Variants in KDM5B observed in about 807,000 individuals in gnomAD.
The protein encoded by KDM5B is lysine demethylase 5B, also known as lysine-specific demethylase 5B.
Under a neutral mutation model 193.4 loss-of-function variants are expected in KDM5B, and 144 were observed. The observed-to-expected ratio is 0.74, with a 90% CI of 0.65 to 0.86. The LOEUF (loss-of-function observed/expected upper bound fraction) is 0.86, where lower values mean the gene tolerates loss of function less well. KDM5B is among the 40% of genes least tolerant of loss of function. The pLI, the probability that KDM5B is intolerant of heterozygous loss-of-function variation, is 0.00. For missense variants in KDM5B, 1,833 were observed against 1,886.9 expected (o/e 0.97, Z 0.53); for synonymous variants, 668 against 682.6 (o/e 0.98, Z 0.33).
chr1:202,732,766 G>T (rs535935407), intron 23 of KDM5B, among the ~76,000 whole-genome samples: 99 of 152,238 alleles, frequency 6.5e-4, no homozygotes, highest in African/African-American at 2.3e-3. Flanking sequence ...ACCTCATAAA[G>T]ATTGAATACT....
chr1:202,773,347 G>C, intron 3 of KDM5B, 59 bp from the exon 4 acceptor site: 1 of 1,439,826 alleles, frequency 6.9e-7, no homozygotes, highest in Non-Finnish European at 9.6e-7. Context: ...TCACATCTAA[G>C]TATGACTCCA....
rs1417847461 is a variant in KDM5B, at chr1:202,729,111, G to A, written c.4560C>T (p.Val1520=). Residue 1520 remains valine, a synonymous_variant, in exon 27 of 27, where the codon GTC becomes GTT. Transcript: ENST00000367265. Reference sequence around the variant, plus strand: ...CTTCTTTCTCTGCCATCTCTGGGGAGACACCAACACAGACCTGATGAAACC... The same window carrying A: ...CTTCTTTCTCTGCCATCTCTGGGGAAACACCAACACAGACCTGATGAAACC... ...NQWFHQVCVG[V]SPEMAEKEDY... 1 of 1,614,124 alleles carries A rather than the reference G, an allele frequency of 6.2e-7. No homozygotes were observed. Among genetic ancestry groups the A allele is most frequent in the South Asian group, 1.1e-5 (1 of 91,082 alleles).
intron 4 of KDM5B, among the ~76,000 whole-genome samples, chr1:202,767,766 G>C (rs1656534641): frequency 6.6e-6 from 1 of 152,102 alleles, no homozygotes; most frequent in Non-Finnish European, 1.5e-5. Flanking sequence ...GGTTACAACA[G>C]GCCATAACAG....
intron 13 of KDM5B, 74 bp from the exon 14 acceptor site, chr1:202,749,213 ATC>A: frequency 5.3e-6 from 7 of 1,317,006 alleles, no homozygotes; most frequent in Non-Finnish European, 7.3e-6. Context: ...ACCCATTATT[ATC>A]AAATTACCAA....
chr1:202,778,337 G>A (rs575305189), intron 1 of KDM5B, among the ~76,000 whole-genome samples: 5 of 152,034 alleles, frequency 3.3e-5, no homozygotes, highest in African/African-American at 9.7e-5. Context: ...TGTTACCTAC[G>A]AAGGGAGAAA....
At chr1:202,782,257 G>A (rs1475235957) in intron 1 of KDM5B, among the ~76,000 whole-genome samples, 1 of 152,154 alleles carries the variant, frequency 6.6e-6, no homozygotes, top group Non-Finnish European at 1.5e-5. Context: ...ACTGTCAGCT[G>A]CAAAACTAGA....
At chr1:202,789,625 A>AAAGAGAAAGGGAAGGGAAG (rs1572771556) in intron 1 of KDM5B, among the ~76,000 whole-genome samples, 1 of 149,180 alleles carries the variant, frequency 6.7e-6, no homozygotes, top group Non-Finnish European at 1.5e-5. Context: ...TGGAAAGGAA[A>AAAGAGAAAGGGAAGGGAAG]GGAATTAAGA....
chr1:202,756,276 TA>T, intron 10 of KDM5B, 81 bp downstream of exon 10: 1 of 1,196,528 alleles, frequency 8.4e-7, no homozygotes, highest in East Asian at 2.4e-5. Flanking sequence ...AAGGATTTGC[TA>T]AAAGTAATCA....
chr1:202,791,418 AC>A (rs1241781424), intron 1 of KDM5B, among the ~76,000 whole-genome samples: 1 of 152,184 alleles, frequency 6.6e-6, no homozygotes, highest in African/African-American at 2.4e-5. Flanking sequence ...CAATGAACTT[AC>A]TATTTTCTTC....
rs773088643 is a variant in KDM5B, at chr1:202,750,906, AC to A, written c.1702-129del. On this transcript the variant is annotated intron_variant, in intron 12 of 26. Coordinates refer to ENST00000367265, the MANE Select transcript of KDM5B (RefSeq NM_006618.5). ...GCTTTCTGAAATTGAGCCAGAAAAA[AC>A]AAATTATTATAGTAGAATATCACCT... is the stretch of plus-strand genomic sequence containing the variant. 165 of 856,844 alleles carry A rather than the reference AC, an allele frequency of 1.9e-4. No homozygotes were observed. In the Middle Eastern group the frequency reaches 4.8e-3, roughly 25 times the overall value. 53.1% of individuals were successfully genotyped at this position (856,844 alleles called of 1,614,324 possible).
At chr1:202,807,767 G>A (rs1327919115) in intron 1 of KDM5B, among the ~76,000 whole-genome samples, 2 of 151,022 alleles carry the variant, frequency 1.3e-5, no homozygotes, top group Non-Finnish European at 3.0e-5. Context: ...GGCTCCGTGA[G>A]GAAACTCCCC....
chr1:202,771,739 G>A (rs529466656), intron 4 of KDM5B, among the ~76,000 whole-genome samples: 15 of 151,826 alleles, frequency 9.9e-5, no homozygotes, highest in South Asian at 6.2e-4. Context: ...GCACCACCAC[G>A]CTCAGCTAAT....
Position 202,808,147 on chromosome 1 carries a change from C to T in KDM5B, c.159G>A (p.Arg53=), listed in dbSNP as rs370914848. 10 of 1,613,034 alleles carry T rather than the reference C, an allele frequency of 6.2e-6. No individual in the cohort carries two copies. Among genetic ancestry groups the T allele is most frequent in the Admixed American group, 1.7e-5 (1 of 59,992 alleles). The change falls in exon 1 of 27, where the codon CGG becomes CGA. Residue 53 remains arginine, a synonymous_variant. Transcript: ENST00000367265. The part of the protein sequence containing the change: ...ADPFAFIHKI[R]PIAEQTGICK... ...AGATGCCAGTCTGCTCGGCTATGGGCCGGATCTTGTGGATGAAAGCGAAGG... is the reference window on the plus strand; with the variant it reads ...AGATGCCAGTCTGCTCGGCTATGGGTCGGATCTTGTGGATGAAAGCGAAGG...
intron 24 of KDM5B, 27 bp from the exon 25 acceptor site, chr1:202,731,090 TGATAAC>T: frequency 6.4e-7 from 1 of 1,563,464 alleles, no homozygotes; most frequent in Non-Finnish European, 8.7e-7. Flanking sequence ...CAAATCAAAA[TGATAAC>T]AACAAAGGGT....
At chr1:202,761,447 C>T (rs940101928) in intron 7 of KDM5B, among the ~76,000 whole-genome samples, 1 of 152,130 alleles carries the variant, frequency 6.6e-6, no homozygotes, top group African/African-American at 2.4e-5. Flanking sequence ...TAAACTATCA[C>T]TTTTAATTCT....
chr1:202,807,929 G>A (rs1658375131), intron 1 of KDM5B, among the ~76,000 whole-genome samples, 173 bp downstream of exon 1: 1 of 151,802 alleles, frequency 6.6e-6, no homozygotes, highest in South Asian at 2.1e-4. Flanking sequence ...CCCTGGAGAA[G>A]CCCCCGTCTT....
In KDM5B at chr1:202,748,956, C is replaced by T. The variant is rs752700989; in HGVS notation, c.2005G>A (p.Val669Ile). The T allele has an allele frequency of 6.2e-7, 1 of 1,610,274 alleles. No individual in the cohort carries two copies. The highest frequency in any genetic ancestry group is 1.1e-5 in the South Asian group (1 of 90,184). ...TCCATAAGCCTTACCAATTTACGGACAGTTTCTCTTAAAGCTTTCTCATCC... is the reference window on the plus strand; with the variant it reads ...TCCATAAGCCTTACCAATTTACGGATAGTTTCTCTTAAAGCTTTCTCATCC... ...IEDEKALRET[V>I]RKLGVIDSER... The change falls in exon 14 of 27, where the codon GTC (valine) becomes ATC (isoleucine). Residue 669 changes from valine to isoleucine, a missense_variant. Physicochemically the swap from Val to Ile is conservative, Grantham distance 29. Coordinates refer to ENST00000367265, the MANE Select transcript of KDM5B (RefSeq NM_006618.5).
At chr1:202,737,483 A>G (rs1558482321) in intron 20 of KDM5B, among the ~76,000 whole-genome samples, 1 of 152,246 alleles carries the variant, frequency 6.6e-6, no homozygotes, top group South Asian at 2.1e-4. Context: ...GATGAAATGC[A>G]TTGGTGTTGC....
chr1:202,776,926 G>T (rs1656981612), intron 2 of KDM5B, 91 bp downstream of exon 2: 3 of 849,510 alleles, frequency 3.5e-6, no homozygotes, highest in Non-Finnish European at 4.0e-6. Flanking sequence ...GATTTACAAT[G>T]GTGATTCTGT....
Sources: allele counts gnomAD v4.1 joint callset (sites outside exome capture counted in the v4.1 genomes callset), GRCh38; gene constraint gnomAD v4.1.1; transcripts MANE v1.5; gene names NCBI Gene and HGNC (gene_info 2026-07-23, HGNC 2026-07-21).